Variants in GRIK1 observed in about 807,000 individuals in gnomAD.
GRIK1 encodes the protein glutamate ionotropic receptor kainate type subunit 1, also known as glutamate receptor ionotropic, kainate 1.
In GRIK1, 69 loss-of-function variants were observed where a neutral mutation model predicts 105.7. That is an observed-to-expected ratio of 0.65 (90% confidence interval 0.54 to 0.80). GRIK1 has a LOEUF of 0.80. GRIK1 is among the 30% of genes least tolerant of loss of function. The probability of loss-of-function intolerance (pLI) is 0.00; values close to 1 mark genes in which losing one functional copy is unlikely to be tolerated. For synonymous variants in GRIK1, 438 were observed against 431.3 expected (o/e 1.02, Z -0.19); for missense variants, 1,109 against 1,167.3 (o/e 0.95, Z 0.73).
chr21:29,554,727 T>G (rs2090204995), intron 16 of GRIK1, among the ~76,000 whole-genome samples: 1 of 152,224 alleles, frequency 6.6e-6, no homozygotes, highest in Admixed American at 6.5e-5. Context: ...TGGATTTATT[T>G]TTGCCTTTTT....
rs543688735 is a variant in GRIK1 at position 29,859,401 on chromosome 21, A to G, written c.118+79982T>C. Among the ~76,000 whole-genome samples, 3 of 134,344 alleles carry G rather than the reference A, an allele frequency of 2.2e-5. No homozygotes were observed. The South Asian group carries it at 7.7e-4, about 35-fold the overall frequency. The allele number at this position is 134,344 out of a possible 152,430, so 88.1% of individuals were successfully genotyped here. A position where few individuals can be genotyped will look rare whatever the true frequency, so the allele number is the denominator to read the frequency against. On this transcript the variant is annotated intron_variant, in intron 1 of 17. Transcript: ENST00000327783. Reference sequence around the variant, plus strand: ...ATATAAAATAAAATGAAATAAAAAAACAAAAAAAAATAAATTGTAAGAAGG... The same window carrying G: ...ATATAAAATAAAATGAAATAAAAAAGCAAAAAAAAATAAATTGTAAGAAGG...
intron 1 of GRIK1, among the ~76,000 whole-genome samples, chr21:29,888,325 C>T (rs1263334842): frequency 6.8e-5 from 10 of 148,116 alleles, no homozygotes; most frequent in African/African-American, 2.5e-4. Context: ...AGTGCAGTGG[C>T]ATGATCACAG....
Position 29,564,001 on chromosome 21 carries a change from G to A in GRIK1, c.2131-2152C>T, listed in dbSNP as rs146807771. ...TTTGAGAATGATTTTAATCTCATTT[G>A]ATCTACATGTGAAAATATAGCTTTT... On this transcript the variant is annotated intron_variant, in intron 14 of 17. Transcript: ENST00000327783. Among the ~76,000 whole-genome samples, 670 of 152,184 alleles carry A rather than the reference G, an allele frequency of 4.4e-3. 3 individuals are homozygous for A. The highest frequency in any genetic ancestry group is 7.0e-3 in the Non-Finnish European group (475 of 68,010).
intron 4 of GRIK1, among the ~76,000 whole-genome samples, chr21:29,669,152 A>G (rs937763944): frequency 1.3e-5 from 2 of 152,230 alleles, no homozygotes; most frequent in African/African-American, 4.8e-5. Context: ...TACTTGTTCA[A>G]TATGAATAGA....
At chr21:29,792,326 T>C (rs572992628) in intron 1 of GRIK1, among the ~76,000 whole-genome samples, 8 of 152,326 alleles carry the variant, frequency 5.3e-5, no homozygotes, top group African/African-American at 1.9e-4. Flanking sequence ...ATGACACAGA[T>C]GGAATTATGA....
chr21:29,764,391 T>G (rs544533496), intron 1 of GRIK1, among the ~76,000 whole-genome samples: 5 of 152,338 alleles, frequency 3.3e-5, no homozygotes, highest in African/African-American at 9.6e-5. Context: ...TTCATACAGA[T>G]GCTGGGACTG....
chr21:29,579,348 A>T (rs363486), intron 13 of GRIK1, among the ~76,000 whole-genome samples: 4,422 of 152,236 alleles, frequency 0.029, 90 homozygotes, highest in African/African-American at 0.038. Flanking sequence ...TGATTTGTGT[A>T]AGTTTAGTAC....
intron 4 of GRIK1, among the ~76,000 whole-genome samples, chr21:29,660,372 G>C (rs187878544): frequency 3.9e-5 from 6 of 152,308 alleles, no homozygotes; most frequent in African/African-American, 1.4e-4. Context: ...GTTGTTGACA[G>C]AGTCATTCTA....
intron 10 of GRIK1, among the ~76,000 whole-genome samples, chr21:29,590,787 C>T (rs950664622): frequency 2.0e-4 from 31 of 152,256 alleles, no homozygotes; most frequent in African/African-American, 7.2e-4. Flanking sequence ...ACCTCTTCCC[C>T]CACTTCCCTA....
intron 1 of GRIK1, among the ~76,000 whole-genome samples, chr21:29,874,402 G>A (rs2069121905): frequency 6.6e-6 from 1 of 152,130 alleles, no homozygotes; most frequent in African/African-American, 2.4e-5. Flanking sequence ...TGTTACCTAG[G>A]GCGAGGCCAG....
chr21:29,750,393 C>T (rs1048196637), intron 1 of GRIK1, among the ~76,000 whole-genome samples: 3 of 152,116 alleles, frequency 2.0e-5, no homozygotes, highest in African/African-American at 4.8e-5. Context: ...AGAAACATCA[C>T]CCTGAGCCAG....
chr21:29,879,940 C>T (rs1383837857), intron 1 of GRIK1, among the ~76,000 whole-genome samples: 3 of 152,040 alleles, frequency 2.0e-5, no homozygotes, highest in Admixed American at 6.6e-5. Flanking sequence ...TAGCATTTAA[C>T]CTCTTAATAT....
intron 7 of GRIK1, chr21:29,601,319 T>C: frequency 2.3e-6 from 1 of 432,220 alleles, no homozygotes. Context: ...AGACTAGACT[T>C]ACACCAGCCA....
At chr21:29,889,746 G>T (rs1418951615) in intron 1 of GRIK1, among the ~76,000 whole-genome samples, 6 of 151,970 alleles carry the variant, frequency 3.9e-5, no homozygotes, top group Non-Finnish European at 7.4e-5. Flanking sequence ...TTAAAATAGT[G>T]TGTTTCAGCA....
intron 1 of GRIK1, among the ~76,000 whole-genome samples, chr21:29,893,561 A>G (rs1191842983): frequency 6.6e-6 from 1 of 152,180 alleles, no homozygotes; most frequent in Non-Finnish European, 1.5e-5. Flanking sequence ...GAGAAAATAT[A>G]TTTGTATGTT....
chr21:29,542,936 GAAGA>G (rs1024974906), intron 16 of GRIK1, among the ~76,000 whole-genome samples: 2 of 152,184 alleles, frequency 1.3e-5, no homozygotes, highest in African/African-American at 4.8e-5. Flanking sequence ...TAGGAAAAAG[GAAGA>G]AAGAGGATAT....
chr21:29,743,848 A>G (rs963833114), intron 1 of GRIK1, among the ~76,000 whole-genome samples: 1 of 152,198 alleles, frequency 6.6e-6, no homozygotes, highest in Admixed American at 6.5e-5. Context: ...GCTAATATCA[A>G]ATTTGGCCAG....
At chr21:29,597,627 A>G in intron 8 of GRIK1, 1 of 466,546 alleles carries the variant, frequency 2.1e-6, no homozygotes, top group Non-Finnish European at 4.5e-6. Flanking sequence ...CTATCAGGGC[A>G]TGTCAGACCA....
At chr21:29,893,854 C>A (rs2070003860) in intron 1 of GRIK1, among the ~76,000 whole-genome samples, 1 of 152,148 alleles carries the variant, frequency 6.6e-6, no homozygotes, top group Non-Finnish European at 1.5e-5. Context: ...AATCAGGATC[C>A]AGTCATTACA....
Sources: gnomAD v4.1 joint callset for allele counts (sites outside exome capture counted in the v4.1 genomes callset) on GRCh38, gnomAD v4.1.1 for gene constraint, MANE v1.5 for transcripts, NCBI Gene and HGNC (gene_info 2026-07-23, HGNC 2026-07-21) for gene names.